The following GTF2F2 variants were observed in gnomAD, a reference collection of about 807,000 sequenced individuals.
The protein encoded by GTF2F2 is general transcription factor IIF subunit 2, also known as ATP-dependent helicase GTF2F2.
GTF2F2 carries 23 observed loss-of-function variants against 42.2 expected under a neutral mutation model. The ratio of observed to expected loss-of-function variants is 0.55; its 90% confidence interval spans 0.39 to 0.77. The LOEUF (loss-of-function observed/expected upper bound fraction) is 0.77, where lower values mean the gene tolerates loss of function less well. Ranked by LOEUF, GTF2F2 falls within the 30% of genes least tolerant of loss-of-function variation. The probability of loss-of-function intolerance (pLI) is 0.00; values close to 1 mark genes in which losing one functional copy is unlikely to be tolerated. For missense variants in GTF2F2, 261 were observed against 287.2 expected, an observed-to-expected ratio of 0.91 and a Z score of 0.66; for synonymous variants, 105 against 100.8, an observed-to-expected ratio of 1.04 and a Z score of -0.25.
intron 4 of GTF2F2, among the ~76,000 whole-genome samples, chr13:45,205,429 G>T (rs1044579970): frequency 7.2e-5 from 11 of 152,206 alleles, no homozygotes; most frequent in African/African-American, 2.7e-4. Context: ...GGGACACAGA[G>T]CCAGACCATA....
At chr13:45,130,307 A>T (rs1483687701) in intron 1 of GTF2F2, among the ~76,000 whole-genome samples, 1 of 152,222 alleles carries the variant, frequency 6.6e-6, no homozygotes, top group Non-Finnish European at 1.5e-5. Context: ...TAGAATGATG[A>T]TAGGGCTGTT....
chr13:45,279,556 G>A (rs923937546), intron 7 of GTF2F2, among the ~76,000 whole-genome samples: 2 of 152,160 alleles, frequency 1.3e-5, no homozygotes, highest in Admixed American at 6.6e-5. Flanking sequence ...TCTTAAGCAC[G>A]CCTTATTCAC....
intron 5 of GTF2F2, among the ~76,000 whole-genome samples, chr13:45,246,109 C>T (rs371342786): frequency 0.013 from 1,888 of 150,832 alleles, 41 homozygotes; most frequent in African/African-American, 0.04. Flanking sequence ...GCCGGGTTCA[C>T]GCCATTCTCC....
intron 5 of GTF2F2, among the ~76,000 whole-genome samples, chr13:45,217,214 C>T (rs1873930643): frequency 6.7e-6 from 1 of 150,250 alleles, no homozygotes; most frequent in Non-Finnish European, 1.5e-5. Flanking sequence ...CAGAGAATTG[C>T]TTGAACCTGG....
chr13:45,174,420 G>T (rs1047230949), intron 4 of GTF2F2, among the ~76,000 whole-genome samples: 2 of 152,046 alleles, frequency 1.3e-5, no homozygotes, highest in African/African-American at 4.8e-5. Context: ...AAGCTGCCAG[G>T]TATCCCTCCT....
chr13:45,188,995 C>T (rs913183927), intron 4 of GTF2F2, among the ~76,000 whole-genome samples: 1 of 151,504 alleles, frequency 6.6e-6, no homozygotes, highest in Non-Finnish European at 1.5e-5. Flanking sequence ...TGTTGGTTTG[C>T]TACACCCATC....
chr13:45,129,612 A>G (rs1393056290), intron 1 of GTF2F2, among the ~76,000 whole-genome samples: 1 of 152,226 alleles, frequency 6.6e-6, no homozygotes, highest in Non-Finnish European at 1.5e-5. Flanking sequence ...AGTATTGACC[A>G]TCATTGCTGT....
At chr13:45,225,707 T>C (rs1010262690) in intron 5 of GTF2F2, among the ~76,000 whole-genome samples, 1 of 152,094 alleles carries the variant, frequency 6.6e-6, no homozygotes, top group African/African-American at 2.4e-5. Flanking sequence ...GCAAAATATT[T>C]CCACCCAAGT....
chr13:45,170,517 G>C (rs1260220040), intron 4 of GTF2F2, among the ~76,000 whole-genome samples: 1 of 152,202 alleles, frequency 6.6e-6, no homozygotes, highest in Non-Finnish European at 1.5e-5. Flanking sequence ...GAGTTTTGCA[G>C]TCTTGAAATC....
chr13:45,136,930 C>A, intron 2 of GTF2F2, 124 bp downstream of exon 2: 1 of 639,170 alleles, frequency 1.6e-6, no homozygotes. Context: ...ATGAGCATGT[C>A]AAGGCTTGTC....
intron 4 of GTF2F2, among the ~76,000 whole-genome samples, chr13:45,185,461 A>G (rs1339033674): frequency 6.6e-6 from 1 of 152,174 alleles, no homozygotes; most frequent in Non-Finnish European, 1.5e-5. Flanking sequence ...ATGTAGACTT[A>G]CACATGTTGT....
intron 7 of GTF2F2, among the ~76,000 whole-genome samples, chr13:45,281,284 G>A (rs1409296211): frequency 1.3e-5 from 2 of 152,166 alleles, no homozygotes; most frequent in Admixed American, 6.6e-5. Flanking sequence ...GGCTGCCCAC[G>A]AGAGAGCTGA....
At chr13:45,215,851 A>G (rs928844491) in intron 5 of GTF2F2, among the ~76,000 whole-genome samples, 6 of 152,156 alleles carry the variant, frequency 3.9e-5, no homozygotes, top group African/African-American at 9.7e-5. Flanking sequence ...CTGAAGAGCC[A>G]TAGCAGCTGT....
At chr13:45,151,911 C>CTTTTTTTTTTTTTT (rs773005628) in intron 4 of GTF2F2, 80 bp downstream of exon 4, 1 of 136,232 alleles carries the variant, frequency 7.3e-6, no homozygotes, top group African/African-American at 4.6e-5. Context: ...CTCCTATTTG[C>CTTTTTTTTTTTTTT]TTTTTTTTTT....
intron 1 of GTF2F2, among the ~76,000 whole-genome samples, chr13:45,121,680 A>C (rs939628058): frequency 6.6e-6 from 1 of 152,234 alleles, no homozygotes; most frequent in Non-Finnish European, 1.5e-5. Flanking sequence ...ACAGAATCAC[A>C]TTCCATGAGA....
chr13:45,271,018 C>T (rs1447739438), intron 7 of GTF2F2, among the ~76,000 whole-genome samples: 8 of 152,260 alleles, frequency 5.3e-5, no homozygotes, highest in East Asian at 3.9e-4. Context: ...ATTGGCCGGG[C>T]GCGGTGGCTC....
intron 7 of GTF2F2, among the ~76,000 whole-genome samples, chr13:45,277,057 C>T (rs1175047112): frequency 8.6e-5 from 13 of 151,636 alleles, no homozygotes; most frequent in Admixed American, 2.0e-4. Context: ...AGATAGGAGG[C>T]GGGATCTAGT....
chr13:45,176,805 G>C (rs545920106), intron 4 of GTF2F2, among the ~76,000 whole-genome samples: 3 of 147,930 alleles, frequency 2.0e-5, no homozygotes, highest in Non-Finnish European at 4.5e-5. Context: ...CTTTTTTTTT[G>C]GGGGGGACGG....
intron 2 of GTF2F2, among the ~76,000 whole-genome samples, chr13:45,143,306 A>G (rs1219023799): frequency 6.6e-6 from 1 of 152,162 alleles, no homozygotes; most frequent in Non-Finnish European, 1.5e-5. Flanking sequence ...TACAAAATGA[A>G]AACAACTAAG....
Sources: gnomAD v4.1 joint callset for allele counts (sites outside exome capture counted in the v4.1 genomes callset) on GRCh38, gnomAD v4.1.1 for gene constraint, MANE v1.5 for transcripts, NCBI Gene and HGNC (gene_info 2026-07-23, HGNC 2026-07-21) for gene names.